The following IQGAP3 variants were observed in gnomAD, a reference collection of about 807,000 sequenced individuals.
IQGAP3 encodes ras GTPase-activating-like protein IQGAP3.
In IQGAP3, 165 loss-of-function variants were observed where a neutral mutation model predicts 208.2. The ratio of observed to expected loss-of-function variants is 0.79; its 90% CI spans 0.70 to 0.90. The LOEUF is 0.90. Among genes scored for constraint, IQGAP3 ranks in the 40% least tolerant of loss-of-function variants. The pLI is 0.00. For synonymous variants in IQGAP3, 703 were observed against 803.6 expected (o/e 0.87, Z 2.12); for missense variants, 1,811 against 2,043.1 (o/e 0.89, Z 2.19).
chr1:156,529,196 C>G, intron 34 of IQGAP3, 114 bp from the exon 35 acceptor site: 1 of 1,146,342 alleles, frequency 8.7e-7, no homozygotes, highest in Non-Finnish European at 1.3e-6. Flanking sequence ...GAACAGGCTT[C>G]AAGGCTGTTT....
rs1674484244 is a variant in IQGAP3, at chr1:156,532,979, C to A, written c.4103+1G>T. On this transcript the variant is annotated splice_donor_variant, in intron 32 of 37. Transcript: ENST00000361170. LOFTEE classifies it high-confidence loss of function. The stretch of plus-strand genomic sequence containing the variant: ...CAGGGGCAGAGGCTGGCATCACCCA[C>A]CTCAGAAGCAGGCTACGGGTGTTGG... 6 of 1,613,960 alleles carry A rather than the reference C, an allele frequency of 3.7e-6. No homozygotes were observed. Among genetic ancestry groups the A allele is most frequent in the African/African-American group, 1.3e-5 (1 of 75,022 alleles).
At chr1:156,544,275 C>A (rs1454413655) in intron 20 of IQGAP3, 52 bp from the exon 21 acceptor site, 20 of 1,595,198 alleles carry the variant, frequency 1.3e-5, no homozygotes, top group African/African-American at 2.7e-5. Flanking sequence ...CACCCTCACT[C>A]AGTCTCAGGC....
At chr1:156,533,215 C>G (rs1327620009) in intron 31 of IQGAP3, 109 bp from the exon 32 acceptor site, 1 of 1,387,446 alleles carries the variant, frequency 7.2e-7, no homozygotes, top group East Asian at 2.3e-5. Flanking sequence ...TCAGCTGCTC[C>G]ACATGCCCCT....
chr1:156,539,951 T>C lies in IQGAP3; in HGVS notation c.2779A>G (p.Lys927Glu). The change falls in exon 24 of 38, where the codon AAG becomes GAG. Residue 927 changes from lysine to glutamate, a missense_variant. Lys to Glu is a moderately conservative substitution (Grantham distance 56). Transcript: ENST00000361170. The stretch of plus-strand genomic sequence containing the variant: ...ACCATCATATCTGACAGCTGTTCCT[T>C]ATTCCTCTTGGTCAGCTTCTTGCAG... ...SHCKKLTKRNKEQLSDMMVLD... is the reference protein window; with the variant it reads ...SHCKKLTKRNEEQLSDMMVLD... 1 of 1,614,120 alleles carries C rather than the reference T, an allele frequency of 6.2e-7. No individual in the cohort carries two copies. Among genetic ancestry groups the C allele is most frequent in the Non-Finnish European group, 8.5e-7 (1 of 1,180,024 alleles).
intron 13 of IQGAP3, among the ~76,000 whole-genome samples, chr1:156,553,478 T>A (rs1675662117): frequency 6.6e-6 from 1 of 152,224 alleles, no homozygotes; most frequent in African/African-American, 2.4e-5. Flanking sequence ...AGATCTACAT[T>A]ATGTAAAACA....
intron 13 of IQGAP3, among the ~76,000 whole-genome samples, chr1:156,552,958 T>C (rs1216196090): frequency 6.6e-6 from 1 of 152,108 alleles, no homozygotes; most frequent in Non-Finnish European, 1.5e-5. Context: ...CCTGTAGTCC[T>C]AGCTACTTGG....
At chr1:156,572,334 A>G (rs59565923) in intron 1 of IQGAP3, among the ~76,000 whole-genome samples, 159 bp downstream of exon 1, 9,311 of 152,294 alleles carry the variant, frequency 0.061, 990 homozygotes, top group African/African-American at 0.21. Flanking sequence ...ACTCGGGCCC[A>G]CGGCGCCCGG....
intron 13 of IQGAP3, among the ~76,000 whole-genome samples, chr1:156,553,147 G>A (rs1675637363): frequency 6.6e-6 from 1 of 152,064 alleles, no homozygotes; most frequent in Admixed American, 6.5e-5. Context: ...CTGCACTCCA[G>A]CCTGGGTGGC....
chr1:156,572,228 C>T (rs1047913892), intron 1 of IQGAP3, among the ~76,000 whole-genome samples: 2 of 152,274 alleles, frequency 1.3e-5, no homozygotes, highest in Admixed American at 6.5e-5. Flanking sequence ...ATTCTCCCGA[C>T]TCCGGAACCC....
At position 156,566,248 on chromosome 1, in the gene IQGAP3, A is replaced by G. The variant is rs550432708; in HGVS notation, c.282+142T>C. The stretch of plus-strand genomic sequence containing the variant: ...ATCCTGTGGATTTTCCATCCCTACC[A>G]GGACAGAGAAACATAGATTAATAAC... On this transcript the variant is annotated intron_variant, in intron 3 of 37. Coordinates refer to ENST00000361170, the MANE Select transcript of IQGAP3 (RefSeq NM_178229.5). The G allele has an allele frequency of 5.8e-6, 7 of 1,210,880 alleles. No individual in the cohort carries two copies. The East Asian group carries it at 1.7e-4, about 29-fold the overall frequency. The allele number at this position is 1,210,880 out of a possible 1,614,324, so 75.0% of individuals were successfully genotyped here.
In IQGAP3 at chr1:156,561,916, C is replaced by T. The variant is rs1047786511; in HGVS notation, c.963G>A (p.Leu321=). ...ALLKALQDPA[L]ALRGVRRDFA... is the part of the protein sequence containing the mutation. ...AGTCTCTCCTCACCCCTCGCAGGGC[C>T]AGGGCAGGGTCTTGAAGGGCCTTGA... The change falls in exon 10 of 38, where the codon CTG becomes CTA. Residue 321 remains leucine (L), a synonymous_variant. Transcript: ENST00000361170. 1.2e-6 allele frequency: 2 copies of T among 1,613,860 alleles called. No individual in the cohort carries two copies. The highest frequency in any genetic ancestry group is 1.7e-6 in the Non-Finnish European group (2 of 1,179,954).
chr1:156,528,860 T>C (rs1314993219), intron 35 of IQGAP3, 56 bp downstream of exon 35: 5 of 1,592,260 alleles, frequency 3.1e-6, no homozygotes, highest in South Asian at 1.1e-5. Flanking sequence ...AAAGGTGACA[T>C]GGGCAGGGGT....
rs373890052 is a variant in IQGAP3, at chr1:156,528,737, G to T, written c.4572-127C>A. 7 of 1,025,290 alleles carry T rather than the reference G, an allele frequency of 6.8e-6. No individual in the cohort carries two copies. In the African/African-American group the frequency reaches 1.1e-4, roughly 17 times the overall value. 63.5% of individuals were successfully genotyped at this position (1,025,290 alleles called of 1,614,324 possible). A position where few individuals can be genotyped will look rare whatever the true frequency, so the allele number is the denominator to read the frequency against. On this transcript the variant is annotated intron_variant, in intron 35 of 37. Transcript: ENST00000361170. ...TTCTCACTGATGGAAGACAGAGGAG[G>T]GGGGCTGCACTTGAGCCCAAGACTT... is the stretch of plus-strand genomic sequence containing the variant.
chr1:156,561,321 C>T (rs1266111698), intron 10 of IQGAP3, among the ~76,000 whole-genome samples: 1 of 152,150 alleles, frequency 6.6e-6, no homozygotes, highest in African/African-American at 2.4e-5. Flanking sequence ...GCGTGTGCCA[C>T]CACACCAGCT....
At chr1:156,557,806 G>A (rs1675932281) in intron 11 of IQGAP3, among the ~76,000 whole-genome samples, 1 of 2,472 alleles carries the variant, frequency 4.0e-4, no homozygotes, top group Admixed American at 9.1e-3. Context: ...GAGGTGGGGG[G>A]ATCAGCCCCC....
chr1:156,549,484 A>G (rs992542456), intron 16 of IQGAP3, among the ~76,000 whole-genome samples: 3 of 151,100 alleles, frequency 2.0e-5, no homozygotes, highest in South Asian at 2.1e-4. Flanking sequence ...AAAAAAAAAA[A>G]AAAGAAAAAA....
In IQGAP3 at chr1:156,525,478, G is replaced by A. The variant is rs1673996532; in HGVS notation, c.*1008C>T. On this transcript the variant is annotated 3_prime_UTR_variant, in exon 38 of 38. Transcript: ENST00000361170. The stretch of plus-strand genomic sequence containing the variant: ...AAGTTGGGTAGATGTGGGGACAACA[G>A]AGAGACTGTGGCAGAGGCAGGACTG... The A allele has an allele frequency of 1.3e-5, 2 of 152,684 alleles. No homozygotes were observed. The highest frequency in any genetic ancestry group is 4.1e-4 in the South Asian group (2 of 4,832). 9.5% of individuals were successfully genotyped at this position (152,684 alleles called of 1,614,324 possible). A position where few individuals can be genotyped will look rare whatever the true frequency, so the allele number is the denominator to read the frequency against.
At chr1:156,533,136 C>T in intron 31 of IQGAP3, 30 bp from the exon 32 acceptor site, 1 of 1,612,728 alleles carries the variant, frequency 6.2e-7, no homozygotes, top group East Asian at 2.2e-5. Flanking sequence ...GAGAGGGAGA[C>T]AGGCATACAC....
chr1:156,535,923 C>T (rs11264495), intron 27 of IQGAP3, among the ~76,000 whole-genome samples: 46,677 of 152,058 alleles, frequency 0.31, 8,700 homozygotes, highest in East Asian at 0.55. Flanking sequence ...ATTATGTCTG[C>T]GAGAGTAACG....
Sources: gnomAD v4.1 joint callset for allele counts (sites outside exome capture counted in the v4.1 genomes callset) on GRCh38, gnomAD v4.1.1 for gene constraint, MANE v1.5 for transcripts, NCBI Gene and HGNC (gene_info 2026-07-23, HGNC 2026-07-21) for gene names.